Variants in ARMC2 observed in about 807,000 individuals in gnomAD.
ARMC2 encodes the protein armadillo repeat-containing protein 2.
A neutral mutation model predicts 90.3 loss-of-function variants in ARMC2; 67 were observed. That is an observed-to-expected ratio of 0.74 (90% CI 0.61 to 0.91). ARMC2 has a LOEUF of 0.91. ARMC2 is among the 40% of genes least tolerant of loss of function. ARMC2 has a pLI of 0.00. For missense variants in ARMC2, 920 were observed against 1,030.9 expected (o/e 0.89, Z 1.47); for synonymous variants, 393 against 393.0 (o/e 1.00, Z 0.00).
intron 13 of ARMC2, 127 bp from the exon 14 acceptor site, chr6:108,961,445 C>T (rs1317560377): frequency 9.8e-7 from 1 of 1,020,584 alleles, no homozygotes; most frequent in Non-Finnish European, 1.4e-6. Flanking sequence ...AGGTGCCTCT[C>T]CAGGGCCTTT....
chr6:108,998,795 G>A, the ARMC2 span: 15 of 1,573,134 alleles, frequency 9.5e-6, no homozygotes, highest in African/African-American at 1.4e-5. Context: ...TTTGTACTGG[G>A]GTGTGGTAAA....
intron 10 of ARMC2, 141 bp downstream of exon 10, chr6:108,912,699 C>A: frequency 1.4e-6 from 1 of 710,744 alleles, no homozygotes; most frequent in East Asian, 2.7e-5. Context: ...CCATAGCCCA[C>A]CTCCACCCCA....
At chr6:108,998,350 A>T in the ARMC2 span, 1 of 698,540 alleles carries the variant, frequency 1.4e-6, no homozygotes, top group Non-Finnish European at 2.3e-6. Flanking sequence ...AGTGATGAGC[A>T]TGTGAGGCAG....
chr6:108,867,535 G>T (rs1273635408), intron 3 of ARMC2, among the ~76,000 whole-genome samples: 1 of 152,162 alleles, frequency 6.6e-6, no homozygotes, highest in African/African-American at 2.4e-5. Context: ...GGGAGGCCAA[G>T]GCAGGTGGCT....
chr6:108,991,270 C>G, the ARMC2 span, among the ~76,000 whole-genome samples: 1 of 151,932 alleles, frequency 6.6e-6, no homozygotes, highest in African/African-American at 2.4e-5. Context: ...GAGACAAGGT[C>G]TCACTATGTT....
At chr6:109,052,550 T>C in the ARMC2 span, among the ~76,000 whole-genome samples, 1 of 152,222 alleles carries the variant, frequency 6.6e-6, no homozygotes, top group Non-Finnish European at 1.5e-5. Flanking sequence ...CTTAAAGTTT[T>C]AATATAATCC....
chr6:108,950,728 C>G (rs117876211), intron 12 of ARMC2, among the ~76,000 whole-genome samples: 1,872 of 152,278 alleles, frequency 0.012, 8 homozygotes, highest in Middle Eastern at 0.041. Context: ...CCCCATGACA[C>G]AAGATTACCC....
At chr6:109,001,335 T>C in the ARMC2 span, 1 of 1,613,906 alleles carries the variant, frequency 6.2e-7, no homozygotes, top group South Asian at 1.1e-5. Context: ...GGCCCATCCA[T>C]TTGCAGTAGA....
chr6:109,004,808 C>G, the ARMC2 span, among the ~76,000 whole-genome samples: 2 of 152,146 alleles, frequency 1.3e-5, no homozygotes, highest in African/African-American at 4.8e-5. Context: ...GCTTGACACT[C>G]AAAACAACTG....
intron 11 of ARMC2, among the ~76,000 whole-genome samples, chr6:108,929,554 C>T (rs1362721027): frequency 6.6e-6 from 1 of 152,178 alleles, no homozygotes; most frequent in Admixed American, 6.5e-5. Context: ...TGGCTTACTA[C>T]AGCCTCGACT....
chr6:108,875,925 A>T lies in ARMC2; in HGVS notation c.464-218A>T, dbSNP rs543230075. On this transcript the variant is annotated intron_variant, in intron 4 of 17. Transcript: ENST00000392644. Reference sequence around the variant, plus strand: ...TAGACTCTAAGCTGGTAGAGATAAGATTCTATACATTTTTACCTGCAGAAT... The same window carrying T: ...TAGACTCTAAGCTGGTAGAGATAAGTTTCTATACATTTTTACCTGCAGAAT... Among the ~76,000 whole-genome samples, 6 of 152,320 alleles carry T rather than the reference A, an allele frequency of 3.9e-5. No individual in the cohort carries two copies. The South Asian group carries it at 1.2e-3, about 32-fold the overall frequency.
At chr6:108,897,296 T>A (rs535871860) in intron 6 of ARMC2, among the ~76,000 whole-genome samples, 1 of 152,342 alleles carries the variant, frequency 6.6e-6, no homozygotes, top group Non-Finnish European at 1.5e-5. Flanking sequence ...AAAATCCATA[T>A]GTTCCTGCAT....
rs544509172 is a variant in ARMC2 at position 108,943,766 on chromosome 6, G to A, written c.1596+6767G>A. 1.3e-3 allele frequency among the ~76,000 whole-genome samples: 199 copies of A among 152,212 alleles called. 2 individuals carry two copies. The highest frequency in any genetic ancestry group is 4.7e-3 in the African/African-American group (195 of 41,534). On this transcript the variant is annotated intron_variant, in intron 12 of 17. Coordinates refer to ENST00000392644, the MANE Select transcript of ARMC2 (RefSeq NM_032131.6). ...GGAGAATCACTTGAGCCTGAGAGAA[G>A]GAGGTTGCAGTGAGCTGAGATCGAG...
At chr6:109,010,775 TAC>T in the ARMC2 span, among the ~76,000 whole-genome samples, 2 of 152,212 alleles carry the variant, frequency 1.3e-5, no homozygotes, top group Admixed American at 1.3e-4. Flanking sequence ...AAGAAAAGGC[TAC>T]AGAGGCTTCC....
At chr6:108,855,676 C>T (rs947910107) in intron 2 of ARMC2, among the ~76,000 whole-genome samples, 14 of 152,208 alleles carry the variant, frequency 9.2e-5, no homozygotes, top group Admixed American at 6.5e-5. Context: ...TTTGCCTTCC[C>T]ACCAGCAATG....
intron 7 of ARMC2, 42 bp downstream of exon 7, chr6:108,899,834 T>G: frequency 6.0e-6 from 9 of 1,506,676 alleles, no homozygotes; most frequent in Non-Finnish European, 8.1e-6. Flanking sequence ...TTTTGTTTTT[T>G]TTTTAAAAAA....
At chr6:108,988,591 G>GGA in the ARMC2 span, 1 of 1,612,794 alleles carries the variant, frequency 6.2e-7, no homozygotes, top group African/African-American at 1.3e-5. Flanking sequence ...ACATTCTTTT[G>GGA]GTAACCTTTT....
In ARMC2 at chr6:108,872,821, CTT is replaced by C. The variant is rs1776560374; in HGVS notation, c.464-3319_464-3318del. ...GAGTTCCAGGGAACTCCAGGGAACA[CTT>C]TTGGCAAAATGTTAATAGCTTCTCT... On this transcript the variant is annotated intron_variant, in intron 4 of 17. Coordinates refer to ENST00000392644, the MANE Select transcript of ARMC2 (RefSeq NM_032131.6). 2.0e-5 allele frequency among the ~76,000 whole-genome samples: 3 copies of C among 152,310 alleles called. 1 individual carries two copies. Among genetic ancestry groups the C allele is most frequent in the Middle Eastern group, 6.8e-3 (2 of 294 alleles).
chr6:108,868,589 T>C (rs1776070517), intron 3 of ARMC2, among the ~76,000 whole-genome samples: 1 of 152,204 alleles, frequency 6.6e-6, no homozygotes, highest in African/African-American at 2.4e-5. Context: ...AGTATGGTAA[T>C]AGCACAGCAG....
Sources: gnomAD v4.1 joint callset for allele counts (sites outside exome capture counted in the v4.1 genomes callset) on GRCh38, gnomAD v4.1.1 for gene constraint, MANE v1.5 for transcripts, NCBI Gene and HGNC (gene_info 2026-07-23, HGNC 2026-07-21) for gene names.